The following UNC79 variants were observed in gnomAD, a reference collection of about 807,000 sequenced individuals.
UNC79 encodes protein unc-79 homolog.
Under a neutral mutation model 283.1 loss-of-function variants are expected in UNC79, and 37 were observed. The ratio of observed to expected loss-of-function variants is 0.13; its 90% CI spans 0.10 to 0.17. UNC79 has a LOEUF of 0.17. Among genes scored for constraint, UNC79 ranks in the 10% least tolerant of loss-of-function variants. The pLI is 1.00. For missense variants in UNC79, 2,272 were observed against 3,211.1 expected (o/e 0.71, Z 7.07); for synonymous variants, 1,107 against 1,200.2 (o/e 0.92, Z 1.61).
At chr14:93,362,666 T>C (rs991053652) in intron 1 of UNC79, among the ~76,000 whole-genome samples, 1 of 152,172 alleles carries the variant, frequency 6.6e-6, no homozygotes. Context: ...GTTTTGAAGC[T>C]TGTTTTTGGT....
chr14:93,564,442 C>T (rs1278616436), intron 14 of UNC79, among the ~76,000 whole-genome samples: 1 of 152,090 alleles, frequency 6.6e-6, no homozygotes, highest in Non-Finnish European at 1.5e-5. Flanking sequence ...AGGTAGGTAA[C>T]GGATGGAGAA....
chr14:93,600,849 G>A (rs1051769860), intron 25 of UNC79, 79 bp downstream of exon 25: 6 of 1,505,218 alleles, frequency 4.0e-6, no homozygotes, highest in Non-Finnish European at 5.4e-6. Flanking sequence ...ACATTGGCAT[G>A]TCGTTTAATT....
intron 7 of UNC79, among the ~76,000 whole-genome samples, chr14:93,504,615 C>T (rs981649751): frequency 6.6e-6 from 1 of 151,550 alleles, no homozygotes; most frequent in African/African-American, 2.4e-5. Context: ...ATATTATTGT[C>T]AATTATATAT....
chr14:93,496,293 T>A, intron 5 of UNC79, 118 bp from the exon 6 acceptor site: 1 of 615,552 alleles, frequency 1.6e-6, no homozygotes, highest in Non-Finnish European at 2.7e-6. Flanking sequence ...AAGTTATTTC[T>A]AATTTAATGA....
Position 93,356,026 on chromosome 14 carries a change from C to CTTT in UNC79, c.-351+22520_-351+22522dup, listed in dbSNP as rs56265512. ...TCTTCAGGAATCTATTACTAGTGTACTTTTTTTTTTTTTTTTTTTGAGGCA... is the reference window on the plus strand; with the variant it reads ...TCTTCAGGAATCTATTACTAGTGTACTTTTTTTTTTTTTTTTTTTTTTGAGGCA... On this transcript the variant is annotated intron_variant, in intron 1 of 49. Coordinates refer to the UNC79 transcript ENST00000256339. Among the ~76,000 whole-genome samples the CTTT allele has an allele frequency of 3.2e-3, 393 of 122,492 alleles. 3 individuals carry two copies. Among genetic ancestry groups the CTTT allele is most frequent in the African/African-American group, 0.01 (340 of 32,446 alleles). The allele number at this position is 122,492 out of a possible 152,430, so 80.4% of individuals were successfully genotyped here. A position where few individuals can be genotyped will look rare whatever the true frequency, so the allele number is the denominator to read the frequency against.
At chr14:93,654,795 A>G (rs2070744970) in intron 37 of UNC79, among the ~76,000 whole-genome samples, 1 of 152,048 alleles carries the variant, frequency 6.6e-6, no homozygotes, top group Non-Finnish European at 1.5e-5. Context: ...GGGTGGAGCT[A>G]TGGGCGTTGG....
At chr14:93,396,204 G>A (rs2054993021) in intron 1 of UNC79, among the ~76,000 whole-genome samples, 2 of 144,032 alleles carry the variant, frequency 1.4e-5, no homozygotes, top group South Asian at 4.5e-4. Context: ...TTCAGTTTTT[G>A]TTATTTTCAA....
chr14:93,348,406 C>A, intron 1 of UNC79: 1 of 327,916 alleles, frequency 3.0e-6, no homozygotes, highest in Non-Finnish European at 5.6e-6. Context: ...TGAAAATTTA[C>A]CGAGAACTGC....
At chr14:93,603,175 A>G (rs921544313) in intron 25 of UNC79, 64 bp from the exon 26 acceptor site, 2 of 1,557,988 alleles carry the variant, frequency 1.3e-6, no homozygotes, top group East Asian at 2.2e-5. Flanking sequence ...ATTGTTTTAG[A>G]CTAGGTGGAT....
At chr14:93,440,244 T>TG (rs1475809234) in intron 1 of UNC79, among the ~76,000 whole-genome samples, 10 of 64,926 alleles carry the variant, frequency 1.5e-4, no homozygotes, top group African/African-American at 5.9e-4. Flanking sequence ...AGGTTAGGGG[T>TG]GGGGGTGGGT....
At chr14:93,540,437 A>G (rs536453977) in intron 12 of UNC79, among the ~76,000 whole-genome samples, 4 of 152,196 alleles carry the variant, frequency 2.6e-5, no homozygotes, top group African/African-American at 9.7e-5. Context: ...CAGTTTGTTC[A>G]TCTTTGAAAT....
chr14:93,402,292 AAAG>A (rs1424306002), intron 1 of UNC79, among the ~76,000 whole-genome samples: 2,852 of 132,106 alleles, frequency 0.022, 61 homozygotes, highest in South Asian at 0.057. Context: ...AAAAAAAAAA[AAAG>A]AAAAGAAAAG....
rs114169990 is a variant in UNC79, at chr14:93,637,369, C to A, written c.5800+70C>A. 1.8e-3 allele frequency: 2,852 copies of A among 1,587,174 alleles called. 46 individuals are homozygous for A. In the African/African-American group the frequency reaches 0.034, roughly 19 times the overall value. ...CTGGACATGTCCATCATTTGGTCAC[C>A]CAGCAGGTGCAGGCTTTTTCTTAGC... On this transcript the variant is annotated intron_variant, in intron 32 of 48. Transcript: ENST00000555664.
chr14:93,385,917 A>T (rs549497777), intron 1 of UNC79, among the ~76,000 whole-genome samples: 1 of 152,354 alleles, frequency 6.6e-6, no homozygotes, highest in South Asian at 2.1e-4. Context: ...ATCATCTGCA[A>T]ACAAGGATGA....
chr14:93,597,136 G>A (rs890625963), intron 23 of UNC79, among the ~76,000 whole-genome samples: 2 of 152,202 alleles, frequency 1.3e-5, no homozygotes, highest in African/African-American at 4.8e-5. Context: ...GGAAAAAAAA[G>A]TTCTGCTCTG....
chr14:93,571,954 C>A, exon 15 of UNC79: 2 of 1,614,148 alleles, frequency 1.2e-6, no homozygotes, highest in Non-Finnish European at 1.7e-6. Flanking sequence ...AGGTCTCAAC[C>A]GAATCCTCTG....
chr14:93,581,488 T>C (rs1458030566), intron 19 of UNC79, among the ~76,000 whole-genome samples: 1 of 127,200 alleles, frequency 7.9e-6, no homozygotes, highest in Non-Finnish European at 1.7e-5. Context: ...TTGCATCTTT[T>C]TTTTTTTTTT....
chr14:93,419,511 A>G (rs2055543477), intron 1 of UNC79, among the ~76,000 whole-genome samples: 1 of 151,770 alleles, frequency 6.6e-6, no homozygotes, highest in African/African-American at 2.4e-5. Context: ...GAACTCATCC[A>G]AGATAATAAC....
rs2060823142 is a variant in UNC79, at chr14:93,531,560, C to G, written c.1094-990C>G. ...CAGTAATTTGACAGTCTTGCTCCAA[C>G]TGGTCTACCCGTGGGTTTGAAAATT... On this transcript the variant is annotated intron_variant, in intron 10 of 48. Transcript: ENST00000555664. This position sits in a 1 kb window ranked among gnomAD's most constrained non-coding sequence, Gnocchi z 4.2. Among the ~76,000 whole-genome samples the G allele has an allele frequency of 6.6e-6, 1 of 152,232 alleles. No homozygotes were observed. Among genetic ancestry groups the G allele is most frequent in the African/African-American group, 2.4e-5 (1 of 41,462 alleles).
Sources: allele counts gnomAD v4.1 joint callset (sites outside exome capture counted in the v4.1 genomes callset), GRCh38; gene constraint gnomAD v4.1.1; non-coding constraint Gnocchi (gnomAD v3.1); transcripts MANE v1.5; gene names NCBI Gene and HGNC (gene_info 2026-07-23, HGNC 2026-07-21).